The following NUTM2B variants were observed in gnomAD, a reference collection of about 807,000 sequenced individuals.
NUTM2B encodes the protein NUT family member 2B, also known as family with sequence similarity 22, member B.
Under a neutral mutation model 42.4 loss-of-function variants are expected in NUTM2B, and 2 were observed. The ratio of observed to expected loss-of-function variants is 0.05; its 90% CI spans 0.02 to 0.15. The LOEUF is 0.15. Among genes scored for constraint, NUTM2B ranks in the 10% least tolerant of loss-of-function variants. NUTM2B has a pLI of 1.00. For missense variants in NUTM2B, 58 were observed against 952.6 expected, an observed-to-expected ratio of 0.06 and a Z score of 12.36; for synonymous variants, 18 against 402.4, an observed-to-expected ratio of 0.04 and a Z score of 11.43.
chr10:79,694,264 G>A, the NUTM2B span, among the ~76,000 whole-genome samples: 1 of 152,072 alleles, frequency 6.6e-6, no homozygotes. Flanking sequence ...GGGCTTGGTG[G>A]TGCATGCCTG....
chr10:79,692,273 C>T, the NUTM2B span, among the ~76,000 whole-genome samples: 1 of 152,346 alleles, frequency 6.6e-6, no homozygotes, highest in East Asian at 1.9e-4. Context: ...TATGCACCTA[C>T]AGTACAGCCT....
At chr10:79,699,416 C>T (rs1840273841), upstream of NUTM2B, among the ~76,000 whole-genome samples, 1 of 151,942 alleles carries the variant, frequency 6.6e-6, no homozygotes, top group African/African-American at 2.4e-5. Context: ...CTCACTCCTA[C>T]ACACTCTCAC....
At chr10:79,700,928 A>C (rs78602769), upstream of NUTM2B, among the ~76,000 whole-genome samples, 4,314 of 151,058 alleles carry the variant, frequency 0.029, 75 homozygotes, top group Non-Finnish European at 0.043. Context: ...CCTCATTGGA[A>C]CCTCCATGAC....
chr10:79,705,009 T>G (rs1055306350), intron 1 of NUTM2B, among the ~76,000 whole-genome samples: 1 of 151,318 alleles, frequency 6.6e-6, no homozygotes, highest in African/African-American at 2.4e-5. Context: ...TCCCCTTGAC[T>G]AGAGACTGCA....
upstream of NUTM2B, among the ~76,000 whole-genome samples, chr10:79,702,242 G>A (rs1201885425): frequency 6.6e-6 from 1 of 152,180 alleles, no homozygotes; most frequent in African/African-American, 2.4e-5. Context: ...CATGTAAGAA[G>A]GCAGTTCTGT....
At chr10:79,700,405 A>G (rs1271786824), upstream of NUTM2B, among the ~76,000 whole-genome samples, 2 of 152,244 alleles carry the variant, frequency 1.3e-5, no homozygotes, top group Non-Finnish European at 2.9e-5. Flanking sequence ...GCCGAGACAC[A>G]CTTTGAGGTT....
chr10:79,699,217 T>G (rs1196142335), upstream of NUTM2B, among the ~76,000 whole-genome samples: 4 of 151,832 alleles, frequency 2.6e-5, no homozygotes. Flanking sequence ...ACACAAGCAC[T>G]TTCTCTGTTA....
At chr10:79,701,686 G>A (rs1840316801), upstream of NUTM2B, among the ~76,000 whole-genome samples, 1 of 150,704 alleles carries the variant, frequency 6.6e-6, no homozygotes, top group African/African-American at 2.4e-5. Context: ...TTTCTCAGCT[G>A]TCAGTGCGGC....
chr10:79,697,780 T>C, the NUTM2B span, among the ~76,000 whole-genome samples: 1 of 140,820 alleles, frequency 7.1e-6, no homozygotes, highest in East Asian at 2.7e-4. Context: ...GTGTCATGCA[T>C]CACCCAGAAA....
chr10:79,699,041 C>A (rs552528908), upstream of NUTM2B, among the ~76,000 whole-genome samples: 169 of 152,152 alleles, frequency 1.1e-3, 1 homozygote, highest in African/African-American at 3.6e-3. Flanking sequence ...CCTACCAGTC[C>A]CCCAGTAGAC....
chr10:79,692,490 A>G, the NUTM2B span, among the ~76,000 whole-genome samples: 1 of 152,196 alleles, frequency 6.6e-6, no homozygotes, highest in East Asian at 1.9e-4. Flanking sequence ...TGACCTGACC[A>G]TGGCTGCCCC....
upstream of NUTM2B, among the ~76,000 whole-genome samples, chr10:79,699,933 TGACA>T (rs1353943188): frequency 6.6e-6 from 1 of 152,266 alleles, no homozygotes; most frequent in African/African-American, 2.4e-5. Context: ...TAAATCTTCC[TGACA>T]TTCTCAAGTA....
chr10:79,700,930 C>A (rs1465402162), upstream of NUTM2B, among the ~76,000 whole-genome samples: 1 of 152,224 alleles, frequency 6.6e-6, no homozygotes, highest in African/African-American at 2.4e-5. Flanking sequence ...TCATTGGAAC[C>A]TCCATGACCG....
chr10:79,692,307 A>C, the NUTM2B span, among the ~76,000 whole-genome samples: 4 of 152,250 alleles, frequency 2.6e-5, no homozygotes, highest in African/African-American at 7.2e-5. Context: ...CACTTTACAC[A>C]TATGAATGCC....
the NUTM2B span, among the ~76,000 whole-genome samples, chr10:79,695,464 C>A: frequency 7.2e-5 from 11 of 152,204 alleles, no homozygotes; most frequent in African/African-American, 2.7e-4. Context: ...AACACATATT[C>A]TCAACACTGG....
At chr10:79,709,490 T>C (rs1258254675) in intron 3 of NUTM2B, among the ~76,000 whole-genome samples, 10 of 128,494 alleles carry the variant, frequency 7.8e-5, no homozygotes, top group African/African-American at 1.2e-4. Flanking sequence ...TGATGCCTTC[T>C]GCCATAAATC....
At chr10:79,705,045 T>C (rs1228922168) in intron 1 of NUTM2B, among the ~76,000 whole-genome samples, 48 of 148,388 alleles carry the variant, frequency 3.2e-4, no homozygotes, top group African/African-American at 1.1e-3. Context: ...CAGGGATGAG[T>C]TCCAGACAAC....
At chr10:79,696,298 A>T in the NUTM2B span, among the ~76,000 whole-genome samples, 1 of 152,026 alleles carries the variant, frequency 6.6e-6, no homozygotes, top group East Asian at 2.0e-4. Flanking sequence ...CTGAACACAG[A>T]GATGAGAAGA....
chr10:79,692,379 G>A, the NUTM2B span, among the ~76,000 whole-genome samples: 7 of 152,274 alleles, frequency 4.6e-5, no homozygotes, highest in African/African-American at 1.7e-4. Flanking sequence ...GTAAGCTGAG[G>A]CTCAGAGAGG....
Sources: allele counts gnomAD v4.1 joint callset (sites outside exome capture counted in the v4.1 genomes callset), GRCh38; gene constraint gnomAD v4.1.1; transcripts MANE v1.5; gene names NCBI Gene and HGNC (gene_info 2026-07-23, HGNC 2026-07-21).